HOMEZ: variants seen among roughly 807,000 people sequenced by gnomAD.
The protein encoded by HOMEZ is homeobox and leucine zipper protein Homez.
HOMEZ carries 20 observed loss-of-function variants against 50.1 expected under a neutral mutation model. The ratio of observed to expected loss-of-function variants is 0.40; its 90% confidence interval spans 0.28 to 0.58. HOMEZ has a LOEUF of 0.58. Among genes scored for constraint, HOMEZ ranks in the 20% least tolerant of loss-of-function variants. The pLI, the probability that HOMEZ is intolerant of heterozygous loss-of-function variation, is 0.46. For synonymous variants in HOMEZ, 239 were observed against 254.7 expected, an observed-to-expected ratio of 0.94 and a Z score of 0.59; for missense variants, 579 against 680.5, an observed-to-expected ratio of 0.85 and a Z score of 1.66.
In HOMEZ at chr14:23,275,998, G is replaced by A. The variant is rs772751600; in HGVS notation, c.1230C>T (p.Ala410=). The A allele has an allele frequency of 1.2e-6, 2 of 1,613,230 alleles. No individual in the cohort carries two copies. Among genetic ancestry groups the A allele is most frequent in the East Asian group, 2.2e-5 (1 of 44,890 alleles). The change falls in exon 2 of 2, where the codon GCC becomes GCT. Residue 410 remains alanine, a synonymous_variant. Coordinates refer to ENST00000357460, the MANE Select transcript of HOMEZ (RefSeq NM_020834.3). ...ACCACTTTAGTTGCCCATGCTTCAA[G>A]GCATAGCGTGTGTCACCAAACCACT... is the stretch of plus-strand genomic sequence containing the variant. ...IIQWFGDTRY[A]LKHGQLKWFR... is the part of the protein sequence containing the mutation.
chr14:23,284,457 G>T lies in HOMEZ; in HGVS notation c.40+1456C>A, dbSNP rs1044822027. 7.2e-5 allele frequency among the ~76,000 whole-genome samples: 11 copies of T among 152,188 alleles called. No individual in the cohort carries two copies. In the East Asian group the frequency reaches 2.1e-3, roughly 29 times the overall value. On this transcript the variant is annotated intron_variant, in intron 1 of 1. Coordinates refer to ENST00000357460, the MANE Select transcript of HOMEZ (RefSeq NM_020834.3). ...ACACTGGAAACTAAAGGCTAAGTAG[G>T]CTGCTACTAGTGCGCCAAAATCATC... is the stretch of plus-strand genomic sequence containing the variant.
Position 23,276,881 on chromosome 14 carries a change from G to C in HOMEZ, c.347C>G (p.Ser116Cys). 1.2e-6 allele frequency: 2 copies of C among 1,614,066 alleles called. No individual in the cohort carries two copies. The highest frequency in any genetic ancestry group is 1.7e-6 in the Non-Finnish European group (2 of 1,179,904). Residue 116 changes from serine to cysteine, a missense_variant, in exon 2 of 2, where the codon TCT becomes TGT. Coordinates refer to ENST00000357460, the MANE Select transcript of HOMEZ (RefSeq NM_020834.3). The surrounding 1 kb of genome is among the most constrained non-coding windows in gnomAD (Gnocchi z 4.1). ...GGCTCGAGTCTCTTCTATTTCTTCAGATGACCAGCTAATACCACAGCGGAG... is the reference window on the plus strand; with the variant it reads ...GGCTCGAGTCTCTTCTATTTCTTCACATGACCAGCTAATACCACAGCGGAG... Reference protein sequence around the residue: ...QRLRCGISWSSEEIEETRARV... With the variant: ...QRLRCGISWSCEEIEETRARV...
intron 1 of HOMEZ, among the ~76,000 whole-genome samples, chr14:23,282,200 C>T (rs2140508606): frequency 6.6e-6 from 1 of 152,232 alleles, no homozygotes; most frequent in Non-Finnish European, 1.5e-5. Flanking sequence ...ATTTAACATT[C>T]ACTGTTTTCA....
intron 1 of HOMEZ, among the ~76,000 whole-genome samples, chr14:23,284,144 A>C (rs1886612878): frequency 6.6e-6 from 1 of 152,178 alleles, no homozygotes. Flanking sequence ...AAACATTCAC[A>C]CTTACACAAT....
chr14:23,282,612 A>G (rs1173271849), intron 1 of HOMEZ, among the ~76,000 whole-genome samples: 4 of 152,206 alleles, frequency 2.6e-5, no homozygotes, highest in African/African-American at 7.2e-5. Context: ...TAAAGACACA[A>G]TAACACTTTA....
chr14:23,277,421 C>T (rs902535937), intron 1 of HOMEZ, among the ~76,000 whole-genome samples: 2 of 152,132 alleles, frequency 1.3e-5, no homozygotes, highest in Non-Finnish European at 2.9e-5. Context: ...TTAAATTACC[C>T]CAAGCCACAT....
chr14:23,281,217 A>C (rs1306283204), intron 1 of HOMEZ, among the ~76,000 whole-genome samples: 3 of 152,198 alleles, frequency 2.0e-5, no homozygotes, highest in African/African-American at 7.2e-5. Context: ...CATGATTTTT[A>C]AAATTCAGAA....
intron 1 of HOMEZ, among the ~76,000 whole-genome samples, chr14:23,278,540 AT>A (rs1886418052): frequency 6.6e-6 from 1 of 151,482 alleles, no homozygotes; most frequent in African/African-American, 2.4e-5. Flanking sequence ...TAATTTTAAA[AT>A]TTTTTGTAGA....
In HOMEZ at chr14:23,286,132, T is replaced by C. The variant is rs971136374; in HGVS notation, c.-180A>G. ...TCGAGCAAGTTGGAGGCGGGGCGGATGGGTGGGGTGGGCGTCCAGAGGCGG... is the reference window on the plus strand; with the variant it reads ...TCGAGCAAGTTGGAGGCGGGGCGGACGGGTGGGGTGGGCGTCCAGAGGCGG... On this transcript the variant is annotated 5_prime_UTR_variant, in exon 1 of 2. Transcript: ENST00000357460. The C allele has an allele frequency of 8.2e-7, 1 of 1,222,344 alleles. No homozygotes were observed. Among genetic ancestry groups the C allele is most frequent in the Non-Finnish European group, 1.0e-6 (1 of 980,706 alleles). The allele number at this position is 1,222,344 out of a possible 1,614,324, so 75.7% of individuals were successfully genotyped here.
Position 23,286,124 on chromosome 14 carries a change from G to A in HOMEZ, c.-172C>T. ...AGCCCTGCTCGAGCAAGTTGGAGGC[G>A]GGGCGGATGGGTGGGGTGGGCGTCC... On this transcript the variant is annotated 5_prime_UTR_variant, in exon 1 of 2. Coordinates refer to ENST00000357460, the MANE Select transcript of HOMEZ (RefSeq NM_020834.3). 8.1e-7 allele frequency: 1 copy of A among 1,228,060 alleles called. No individual in the cohort carries two copies. Among genetic ancestry groups the A allele is most frequent in the Non-Finnish European group, 1.0e-6 (1 of 985,462 alleles). 76.1% of individuals were successfully genotyped at this position (1,228,060 alleles called of 1,614,324 possible). A position where few individuals can be genotyped will look rare whatever the true frequency, so the allele number is the denominator to read the frequency against.
Position 23,275,757 on chromosome 14 carries a change from T to G in HOMEZ, c.1471A>C (p.Ser491Arg). 6.2e-7 allele frequency: 1 copy of G among 1,613,856 alleles called. No individual in the cohort carries two copies. Among genetic ancestry groups the G allele is most frequent in the Non-Finnish European group, 8.5e-7 (1 of 1,179,826 alleles). ...IPQLSQASRL[S>R]TQQVLDWFDS... The stretch of plus-strand genomic sequence containing the variant: ...AACCAATCCAGCACCTGCTGGGTGC[T>G]AAGCCTTGATGCCTGACTCAATTGA... Residue 491 changes from serine to arginine, a missense_variant, in exon 2 of 2, where the codon AGC (serine) becomes CGC (arginine). Transcript: ENST00000357460.
In HOMEZ at chr14:23,274,239, T is replaced by A. The variant is rs1207363725; in HGVS notation, c.*1336A>T. 1 of 152,578 alleles carries A rather than the reference T, an allele frequency of 6.6e-6. No individual in the cohort carries two copies. Among genetic ancestry groups the A allele is most frequent in the Non-Finnish European group, 1.5e-5 (1 of 68,038 alleles). The allele number at this position is 152,578 out of a possible 1,614,324, so 9.5% of individuals were successfully genotyped here. On this transcript the variant is annotated 3_prime_UTR_variant, in exon 2 of 2. Coordinates refer to ENST00000357460, the MANE Select transcript of HOMEZ (RefSeq NM_020834.3). ...ATGGTCCCTCTGTCCCTAAGACAGATCCTATCAAGAGAGGGAAAAGTCTCT... is the reference window on the plus strand; with the variant it reads ...ATGGTCCCTCTGTCCCTAAGACAGAACCTATCAAGAGAGGGAAAAGTCTCT...
rs1566451241 is a variant in HOMEZ, at chr14:23,280,750, T to TTTATTTTATTTTA, written c.41-3576_41-3564dup. On this transcript the variant is annotated intron_variant, in intron 1 of 1. Coordinates refer to ENST00000357460, the MANE Select transcript of HOMEZ (RefSeq NM_020834.3). ...ATTTTATTTTATTTTATTATTTTAT[T>TTTATTTTATTTTA]TTATTTTATTTTATTTTATTTTATT... Among the ~76,000 whole-genome samples, 44 of 87,290 alleles carry TTTATTTTATTTTA rather than the reference T, an allele frequency of 5.0e-4. No individual in the cohort carries two copies. In the Middle Eastern group the frequency reaches 0.015, roughly 29 times the overall value. 57.3% of individuals were successfully genotyped at this position (87,290 alleles called of 152,430 possible).
Position 23,283,479 on chromosome 14 carries a change from T to C in HOMEZ, c.40+2434A>G, listed in dbSNP as rs1221386208. Among the ~76,000 whole-genome samples, 24 of 152,218 alleles carry C rather than the reference T, an allele frequency of 1.6e-4. 1 individual carries two copies. The highest frequency in any genetic ancestry group is 1.6e-3 in the Admixed American group (24 of 15,274). On this transcript the variant is annotated intron_variant, in intron 1 of 1. Transcript: ENST00000357460. Reference sequence around the variant, plus strand: ...TGGGCTTTCCATATCCCTGGACAGATGGAAGACAAGAACGGACTGTCTTAA... The same window carrying C: ...TGGGCTTTCCATATCCCTGGACAGACGGAAGACAAGAACGGACTGTCTTAA...
Position 23,280,740 on chromosome 14 carries a change from A to ATTTTATTTTATTTTATT in HOMEZ, c.41-3554_41-3553insAATAAAATAAAATAAAA, listed in dbSNP as rs35341745. Among the ~76,000 whole-genome samples the ATTTTATTTTATTTTATT allele has an allele frequency of 1.0e-3, 43 of 41,246 alleles. 1 individual carries two copies. Among genetic ancestry groups the ATTTTATTTTATTTTATT allele is most frequent in the African/African-American group, 1.3e-3 (17 of 12,756 alleles). 27.1% of individuals were successfully genotyped at this position (41,246 alleles called of 152,430 possible). On this transcript the variant is annotated intron_variant, in intron 1 of 1. Transcript: ENST00000357460. ...ATTTTATTTTATTTTATTTTATTTT[A>ATTTTATTTTATTTTATT]TTATTTTATTTTATTTTATTTTATT...
chr14:23,285,580 T>C, intron 1 of HOMEZ: 1 of 263,320 alleles, frequency 3.8e-6, no homozygotes. Context: ...TCTCCTATCC[T>C]CCATTTCACA....
At chr14:23,282,709 A>G (rs912269979) in intron 1 of HOMEZ, among the ~76,000 whole-genome samples, 2 of 152,264 alleles carry the variant, frequency 1.3e-5, no homozygotes, top group African/African-American at 2.4e-5. Context: ...AGGCACATTT[A>G]TAAGTATTAA....
chr14:23,277,029 T>G lies in HOMEZ; in HGVS notation c.199A>C (p.Asn67His), dbSNP rs1285139414. ...CTGAAGGTTTTGAGCAGGTGTTCAT[T>G]GCTGTCTAGCTCACTGGTCTGGGCT... Reference protein sequence around the residue: ...QAAQTSELDSNEHLLKTFSYF... With the variant: ...QAAQTSELDSHEHLLKTFSYF... The change falls in exon 2 of 2, where the codon AAT becomes CAT. Residue 67 changes from asparagine to histidine, a missense_variant. Coordinates refer to ENST00000357460, the MANE Select transcript of HOMEZ (RefSeq NM_020834.3). The G allele has an allele frequency of 1.1e-5, 17 of 1,614,052 alleles. No individual in the cohort carries two copies. Among genetic ancestry groups the G allele is most frequent in the Non-Finnish European group, 1.4e-5 (17 of 1,179,898 alleles).
At chr14:23,277,736 ACCCTAT>A (rs1886396962) in intron 1 of HOMEZ, among the ~76,000 whole-genome samples, 1 of 112,850 alleles carries the variant, frequency 8.9e-6, no homozygotes, top group Non-Finnish European at 1.7e-5. Context: ...ATAGAGTGAG[ACCCTAT>A]CAAAAAAAAA....
Sources: gnomAD v4.1 joint callset for allele counts (sites outside exome capture counted in the v4.1 genomes callset) on GRCh38, gnomAD v4.1.1 for gene constraint, Gnocchi (gnomAD v3.1) non-coding constraint, MANE v1.5 for transcripts, NCBI Gene and HGNC (gene_info 2026-07-23, HGNC 2026-07-21) for gene names.